Variants in COL4A1 observed in about 807,000 individuals in gnomAD.
COL4A1 encodes collagen alpha-1(IV) chain.
A neutral mutation model predicts 216.6 loss-of-function variants in COL4A1; 40 were observed. That is an observed-to-expected ratio of 0.18 (90% CI 0.14 to 0.24). The LOEUF is 0.24. Among genes scored for constraint, COL4A1 ranks in the 10% least tolerant of loss-of-function variants. The pLI is 1.00. For synonymous variants in COL4A1, 839 were observed against 810.7 expected (o/e 1.03, Z -0.59); for missense variants, 1,628 against 2,196.8 (o/e 0.74, Z 5.18).
chr13:110,247,059 A>AC (rs1881849678), intron 1 of COL4A1, among the ~76,000 whole-genome samples: 1 of 152,116 alleles, frequency 6.6e-6, no homozygotes, highest in Non-Finnish European at 1.5e-5. Flanking sequence ...GAAAAAGAGG[A>AC]CCCTAGAAAG....
rs1267967480 is a variant in COL4A1, at chr13:110,268,374, G to C, written c.85-25640C>G. Among the ~76,000 whole-genome samples, 1 of 152,214 alleles carries C rather than the reference G, an allele frequency of 6.6e-6. No homozygotes were observed. The highest frequency in any genetic ancestry group is 6.5e-5 in the Admixed American group (1 of 15,288). ...GGGATTTCTTGGGTGGGGAGGGGAG[G>C]GAAAGGGAGGTGAGTATGCAGAAGC... On this transcript the variant is annotated intron_variant, in intron 1 of 51. Transcript: ENST00000375820. The surrounding 1 kb of genome is among the most constrained non-coding windows in gnomAD (Gnocchi z 4.1).
intron 2 of COL4A1, among the ~76,000 whole-genome samples, chr13:110,224,995 G>A (rs1421610009): frequency 6.6e-6 from 1 of 152,154 alleles, no homozygotes; most frequent in Non-Finnish European, 1.5e-5. Context: ...TAAACCTTGA[G>A]AGAATTGCTC....
chr13:110,262,280 G>A (rs1882861108), intron 1 of COL4A1, among the ~76,000 whole-genome samples: 1 of 152,110 alleles, frequency 6.6e-6, no homozygotes, highest in African/African-American at 2.4e-5. Flanking sequence ...CAGCAAGTGG[G>A]GGGCTGAGAC....
intron 2 of COL4A1, among the ~76,000 whole-genome samples, chr13:110,221,635 C>A (rs1471151997): frequency 6.6e-6 from 1 of 152,150 alleles, no homozygotes; most frequent in Non-Finnish European, 1.5e-5. Context: ...CTCATGGAAG[C>A]GCACAGTAAA....
intron 49 of COL4A1, 187 bp downstream of exon 49, chr13:110,161,005 A>C (rs899555869): frequency 4.2e-5 from 30 of 715,530 alleles, no homozygotes; most frequent in Non-Finnish European, 6.9e-5. Flanking sequence ...CACTGTGCCC[A>C]GCCAACTGAC....
intron 1 of COL4A1, among the ~76,000 whole-genome samples, chr13:110,256,915 A>G (rs781155700): frequency 6.6e-6 from 1 of 152,160 alleles, no homozygotes; most frequent in Non-Finnish European, 1.5e-5. Context: ...TATGATAGCA[A>G]TCATAGCTGT....
intron 2 of COL4A1, among the ~76,000 whole-genome samples, chr13:110,232,296 TCTGA>T (rs1278355903): frequency 6.6e-6 from 1 of 152,258 alleles, no homozygotes; most frequent in Admixed American, 6.5e-5. Context: ...GCTCGTTAAC[TCTGA>T]CTAATTCTTC....
chr13:110,172,685 G>A, intron 41 of COL4A1, 35 bp downstream of exon 41: 2 of 1,601,866 alleles, frequency 1.2e-6, no homozygotes, highest in Non-Finnish European at 1.7e-6. Context: ...AGCAGCGGTT[G>A]GTTGAAAAGG....
intron 1 of COL4A1, among the ~76,000 whole-genome samples, chr13:110,265,066 G>A (rs905875090): frequency 1.3e-5 from 2 of 152,208 alleles, no homozygotes; most frequent in East Asian, 1.9e-4. Flanking sequence ...CACCATCATC[G>A]ATCGGCCTTG....
intron 2 of COL4A1, among the ~76,000 whole-genome samples, chr13:110,219,794 A>G (rs548518874): frequency 3.5e-4 from 50 of 142,644 alleles, no homozygotes; most frequent in African/African-American, 3.7e-4. Flanking sequence ...ATATATGTGT[A>G]TATATGTATA....
At chr13:110,233,032 A>G (rs79283047) in intron 2 of COL4A1, among the ~76,000 whole-genome samples, 2,402 of 152,286 alleles carry the variant, frequency 0.016, 76 homozygotes, top group African/African-American at 0.055. Context: ...TCCAAGGCAT[A>G]GGGGAGCCAG....
At chr13:110,174,134 T>A in intron 39 of COL4A1, 136 bp from the exon 40 acceptor site, 3 of 998,410 alleles carry the variant, frequency 3.0e-6, no homozygotes, top group Non-Finnish European at 4.6e-6. Context: ...TGAGGTCAGT[T>A]CTGACTTCCC....
chr13:110,176,918 T>C lies in COL4A1; in HGVS notation c.2836A>G (p.Met946Val), dbSNP rs375250353. ...GSMDKVDMGS[M>V]KGQKGDQGEK... Reference sequence around the variant, plus strand: ...CCTTGGTCTCCTTTCTGGCCCTTCATGCTGCCCATGTCCACCTTATCCATG... The same window carrying C: ...CCTTGGTCTCCTTTCTGGCCCTTCACGCTGCCCATGTCCACCTTATCCATG... Residue 946 changes from methionine (M) to valine (V), a missense_variant, in exon 34 of 52, where the codon ATG becomes GTG. By Grantham distance (21) the Met-to-Val change is conservative (BLOSUM62 1). Transcript: ENST00000375820. 1.2e-6 allele frequency: 2 copies of C among 1,614,242 alleles called. No homozygotes were observed. Among genetic ancestry groups the C allele is most frequent in the African/African-American group, 1.3e-5 (1 of 75,072 alleles).
chr13:110,211,809 T>C lies in COL4A1; in HGVS notation c.441+60A>G, dbSNP rs1879811778. The C allele has an allele frequency of 1.2e-5, 19 of 1,575,342 alleles. No individual in the cohort carries two copies. In the South Asian group the frequency reaches 2.0e-4, roughly 17 times the overall value. ...AAGAAAGAAAGAAAAGGAAATGGAA[T>C]GAAAAGAGAGAAGTCATAACTAAAA... On this transcript the variant is annotated intron_variant, in intron 7 of 51. Coordinates refer to ENST00000375820, the MANE Select transcript of COL4A1 (RefSeq NM_001845.6). This position sits in a 1 kb window ranked among gnomAD's most constrained non-coding sequence, Gnocchi z 4.3.
chr13:110,173,992 G>A lies in COL4A1; in HGVS notation c.3413C>T (p.Pro1138Leu), dbSNP rs1877761619. The stretch of plus-strand genomic sequence containing the variant: ...TGGGCCTGTGGGGCCAGGAGTCCCA[G>A]GAAGACCTCAAAGAGAAAAGTCACA... ...IPGVKGEAGL[P>L]GTPGPTGPAG... The change falls in exon 40 of 52, where the codon CCT becomes CTT. Residue 1138 changes from proline (P) to leucine (L), a missense_variant. Physicochemically the swap from Pro to Leu is moderately conservative, Grantham distance 98. This residue lies in a region of COL4A1 where 345 missense variants were observed against 476.9 expected (regional missense o/e 0.72). Transcript: ENST00000375820. 6.2e-7 allele frequency: 1 copy of A among 1,613,934 alleles called. No individual in the cohort carries two copies. Among genetic ancestry groups the A allele is most frequent in the African/African-American group, 1.3e-5 (1 of 74,924 alleles).
At chr13:110,252,191 T>C (rs1352026693) in intron 1 of COL4A1, among the ~76,000 whole-genome samples, 9 of 151,784 alleles carry the variant, frequency 5.9e-5, no homozygotes, top group Non-Finnish European at 1.2e-4. Flanking sequence ...GCCTGGCTGA[T>C]TTTTCTATTT....
At chr13:110,275,364 C>A (rs1196175856) in intron 1 of COL4A1, among the ~76,000 whole-genome samples, 1 of 152,162 alleles carries the variant, frequency 6.6e-6, no homozygotes, top group South Asian at 2.1e-4. Context: ...TACCAGTACA[C>A]ACCTATTAAA....
At chr13:110,298,893 G>C (rs1193689826) in intron 1 of COL4A1, 1 of 152,478 alleles carries the variant, frequency 6.6e-6, no homozygotes, top group Non-Finnish European at 1.5e-5. Context: ...CTCCCGAAGA[G>C]GGGAGAAAGC....
chr13:110,154,055 A>G (rs1876639322), intron 50 of COL4A1, among the ~76,000 whole-genome samples: 1 of 152,216 alleles, frequency 6.6e-6, no homozygotes, highest in Non-Finnish European at 1.5e-5. Flanking sequence ...AATAATTTAC[A>G]GAAGAAAATA....
Sources: allele counts gnomAD v4.1 joint callset (sites outside exome capture counted in the v4.1 genomes callset), GRCh38; gene constraint gnomAD v4.1.1; regional missense constraint gnomAD v4.1.1; non-coding constraint Gnocchi (gnomAD v3.1); transcripts MANE v1.5; gene names NCBI Gene and HGNC (gene_info 2026-07-23, HGNC 2026-07-21).